Variants in SAMD4A observed in about 807,000 individuals in gnomAD.
SAMD4A encodes the protein sterile alpha motif domain containing 4A.
In SAMD4A, 33 loss-of-function variants were observed where a neutral mutation model predicts 81.3. The ratio of observed to expected loss-of-function variants is 0.41; its 90% CI spans 0.31 to 0.54. The LOEUF (loss-of-function observed/expected upper bound fraction) is 0.54. SAMD4A is among the 20% of genes least tolerant of loss of function. The pLI, the probability that SAMD4A is intolerant of heterozygous loss-of-function variation, is 0.37. For missense variants in SAMD4A, 854 were observed against 951.1 expected, an observed-to-expected ratio of 0.90 and a Z score of 1.34; for synonymous variants, 389 against 382.1, an observed-to-expected ratio of 1.02 and a Z score of -0.21.
At chr14:54,759,580 C>G (rs2038336701) in intron 6 of SAMD4A, among the ~76,000 whole-genome samples, 1 of 152,208 alleles carries the variant, frequency 6.6e-6, no homozygotes, top group Admixed American at 6.5e-5. Context: ...AATGAGGCAG[C>G]CACGATATGC....
chr14:54,719,690 A>C (rs1472146002), intron 3 of SAMD4A, among the ~76,000 whole-genome samples: 1 of 152,152 alleles, frequency 6.6e-6, no homozygotes, highest in East Asian at 1.9e-4. Context: ...CCTGGGTTTG[A>C]GTCCCAGTTC....
At chr14:54,753,814 C>A (rs113605109) in intron 6 of SAMD4A, among the ~76,000 whole-genome samples, 21 of 152,250 alleles carry the variant, frequency 1.4e-4, no homozygotes, top group African/African-American at 5.1e-4. Flanking sequence ...AGTGAGCTAT[C>A]CAGTTGAACC....
chr14:54,661,785 A>G (rs1046200666), intron 2 of SAMD4A, among the ~76,000 whole-genome samples: 8 of 152,196 alleles, frequency 5.3e-5, no homozygotes, highest in African/African-American at 1.2e-4. Flanking sequence ...ACACCTCTAC[A>G]TGGCCTGAAG....
At chr14:54,779,209 C>T (rs1315140238) in intron 11 of SAMD4A, among the ~76,000 whole-genome samples, 2 of 152,132 alleles carry the variant, frequency 1.3e-5, no homozygotes, top group Admixed American at 6.5e-5. Flanking sequence ...TGTGGCCAGG[C>T]GTTAAAACTA....
At chr14:54,735,604 C>G (rs561673379) in intron 3 of SAMD4A, among the ~76,000 whole-genome samples, 10 of 152,350 alleles carry the variant, frequency 6.6e-5, no homozygotes, top group Non-Finnish European at 1.5e-4. Flanking sequence ...ACCACAGAGG[C>G]CTGAGCTCCG....
At chr14:54,739,114 G>C (rs2037783426) in intron 4 of SAMD4A, among the ~76,000 whole-genome samples, 1 of 128,952 alleles carries the variant, frequency 7.8e-6, no homozygotes, top group East Asian at 2.3e-4. Context: ...CCCAAAGTAG[G>C]TCAAGGTATG....
At chr14:54,678,759 A>G (rs1195140562) in intron 2 of SAMD4A, among the ~76,000 whole-genome samples, 1 of 152,080 alleles carries the variant, frequency 6.6e-6, no homozygotes, top group African/African-American at 2.4e-5. Flanking sequence ...CGTGTTAGCC[A>G]GGATGGTCTC....
At chr14:54,635,382 G>A (rs183025340) in intron 2 of SAMD4A, among the ~76,000 whole-genome samples, 60 of 148,304 alleles carry the variant, frequency 4.0e-4, no homozygotes, top group African/African-American at 1.4e-3. Context: ...CTGAGATCAC[G>A]CCATTGCAAT....
intron 2 of SAMD4A, among the ~76,000 whole-genome samples, chr14:54,568,690 CA>C (rs2033028120): frequency 5.6e-4 from 18 of 31,890 alleles, no homozygotes; most frequent in African/African-American, 2.3e-3. Context: ...ACATTTGCAG[CA>C]TATATATATA....
intron 7 of SAMD4A, among the ~76,000 whole-genome samples, chr14:54,761,515 A>G (rs1193844828): frequency 2.0e-5 from 3 of 152,312 alleles, no homozygotes; most frequent in Non-Finnish European, 1.5e-5. Flanking sequence ...AAAAGTTTGC[A>G]TATTTTCCTG....
At chr14:54,711,411 G>A (rs965769888) in intron 3 of SAMD4A, among the ~76,000 whole-genome samples, 11 of 152,202 alleles carry the variant, frequency 7.2e-5, no homozygotes, top group African/African-American at 7.2e-5. Flanking sequence ...ACTAGTGATC[G>A]TAAAAACAGC....
rs778988625 is a variant in SAMD4A, at chr14:54,702,589, C to T, written c.715+9C>T. The T allele has an allele frequency of 6.2e-7, 1 of 1,613,094 alleles. No homozygotes were observed. The highest frequency in any genetic ancestry group is 8.5e-7 in the Non-Finnish European group (1 of 1,179,356). ...AACCAGCACAAGTACAAGTAAGTTC[C>T]CCGGAATCCCTTTAACGTAGTCTGG... On this transcript the variant is annotated intron_variant, in intron 3 of 12. Coordinates refer to ENST00000554335, the MANE Select transcript of SAMD4A (RefSeq NM_015589.6).
chr14:54,672,797 C>T (rs187473745), intron 2 of SAMD4A, among the ~76,000 whole-genome samples: 10 of 152,316 alleles, frequency 6.6e-5, no homozygotes, highest in Admixed American at 2.6e-4. Context: ...AAATGTCTGT[C>T]TGTAACATGG....
At chr14:54,703,308 A>G (rs2140752692) in intron 3 of SAMD4A, 1 of 152,082 alleles carries the variant, frequency 6.6e-6, no homozygotes, top group East Asian at 1.9e-4. Flanking sequence ...AAAGTATTGC[A>G]CCCTCAGCTG....
intron 3 of SAMD4A, among the ~76,000 whole-genome samples, chr14:54,729,637 A>G (rs2037509613): frequency 6.6e-6 from 1 of 152,248 alleles, no homozygotes; most frequent in Admixed American, 6.5e-5. Flanking sequence ...ATAATGGTAG[A>G]TACAAAAAGA....
In SAMD4A at chr14:54,775,112, A is replaced by G. The variant is rs1172715556; in HGVS notation, c.1894A>G (p.Thr632Ala). ...SNQRNTTATP[T>A]IMKQGRQNLW... ...CCAGCGCAACACCACAGCTACCCCC[A>G]CCATCATGAAACAAGGAAGACAGGT... Residue 632 changes from threonine (T) to alanine (A), a missense_variant, in exon 10 of 13, where the codon ACC becomes GCC. By Grantham distance (58) the Thr-to-Ala change is moderately conservative (BLOSUM62 0). Around this residue, in one of 3 missense-constraint regions of SAMD4A, gnomAD observed 428 missense variants for 471.2 expected, o/e 0.91. Coordinates refer to ENST00000554335, the MANE Select transcript of SAMD4A (RefSeq NM_015589.6). 1 of 1,614,018 alleles carries G rather than the reference A, an allele frequency of 6.2e-7. No individual in the cohort carries two copies. Among genetic ancestry groups the G allele is most frequent in the African/African-American group, 1.3e-5 (1 of 74,924 alleles).
At position 54,737,173 on chromosome 14, in the gene SAMD4A, G is replaced by GC. The variant is rs1555349128; in HGVS notation, c.871dup (p.Leu291ProfsTer16). The GC allele has an allele frequency of 6.2e-7, 1 of 1,613,926 alleles. No homozygotes were observed. The highest frequency in any genetic ancestry group is 8.5e-7 in the Non-Finnish European group (1 of 1,180,004). On this transcript the variant is annotated frameshift_variant, in exon 4 of 13. Transcript: ENST00000554335. LOFTEE classifies it high-confidence loss of function. ...ACCCCAGTGCCTCCCATCCGATCAT[G>GC]CCCCCCTGTCTCCACAAAGCAGTGT... is the stretch of plus-strand genomic sequence containing the variant.
At position 54,738,905 on chromosome 14, in the gene SAMD4A, T is replaced by C. The variant is rs78712633; in HGVS notation, c.979+1618T>C. Among the ~76,000 whole-genome samples the C allele has an allele frequency of 3.0e-4, 46 of 152,298 alleles. 1 individual carries two copies. In the East Asian group the frequency reaches 8.7e-3, roughly 29 times the overall value. On this transcript the variant is annotated intron_variant, in intron 4 of 12. Coordinates refer to ENST00000554335, the MANE Select transcript of SAMD4A (RefSeq NM_015589.6). Reference sequence around the variant, plus strand: ...AGTTGGTAACTGTGGGGAGGAAGCATTGGCCTTTGTGTTTGAAGGGTAAGG... The same window carrying C: ...AGTTGGTAACTGTGGGGAGGAAGCACTGGCCTTTGTGTTTGAAGGGTAAGG...
chr14:54,754,706 C>A (rs2038193793), intron 6 of SAMD4A: 2 of 334,188 alleles, frequency 6.0e-6, no homozygotes, highest in Non-Finnish European at 8.6e-6. Context: ...AAAAAGTCAT[C>A]TGCCCTTGCC....
Sources: gnomAD v4.1 joint callset for allele counts (sites outside exome capture counted in the v4.1 genomes callset) on GRCh38, gnomAD v4.1.1 for gene constraint, gnomAD v4.1.1 regional missense constraint, MANE v1.5 for transcripts, NCBI Gene and HGNC (gene_info 2026-07-23, HGNC 2026-07-21) for gene names.